Variants in MTHFD1 observed in about 807,000 individuals in gnomAD.
The protein encoded by MTHFD1 is methylenetetrahydrofolate dehydrogenase, cyclohydrolase and formyltetrahydrofolate synthetase 1, also known as C-1-tetrahydrofolate synthase, cytoplasmic.
MTHFD1 carries 44 observed loss-of-function variants against 110.3 expected under a neutral mutation model. The observed-to-expected ratio is 0.40, with a 90% CI of 0.31 to 0.51. The LOEUF (loss-of-function observed/expected upper bound fraction) is 0.51, where lower values mean the gene tolerates loss of function less well. MTHFD1 is among the 20% of genes least tolerant of loss of function. MTHFD1 has a pLI of 0.60. For missense variants in MTHFD1, 909 were observed against 1,173.1 expected (o/e 0.77, Z 3.29); for synonymous variants, 402 against 428.8 (o/e 0.94, Z 0.77).
intron 1 of MTHFD1, among the ~76,000 whole-genome samples, chr14:64,396,396 T>G (rs1165114303): frequency 6.7e-6 from 1 of 148,644 alleles, no homozygotes; most frequent in Non-Finnish European, 1.5e-5. Context: ...AAGGTTTTTT[T>G]TTTTTTTTTT....
intron 17 of MTHFD1, among the ~76,000 whole-genome samples, chr14:64,439,811 C>T (rs954134438): frequency 1.3e-5 from 2 of 149,480 alleles, no homozygotes; most frequent in Non-Finnish European, 3.0e-5. Context: ...CGAAAATTGC[C>T]TGAACCCAGG....
intron 1 of MTHFD1, among the ~76,000 whole-genome samples, chr14:64,390,828 T>C (rs1322888308): frequency 6.6e-6 from 1 of 152,188 alleles, no homozygotes; most frequent in Non-Finnish European, 1.5e-5. Context: ...TTTGTATTTT[T>C]AGTAGAGACG....
chr14:64,428,676 C>T lies in MTHFD1; in HGVS notation c.1264+1203C>T, dbSNP rs111311815. 8.7e-3 allele frequency among the ~76,000 whole-genome samples: 1,315 copies of T among 151,508 alleles called. 14 individuals are homozygous for T. Among genetic ancestry groups the T allele is most frequent in the African/African-American group, 0.029 (1,216 of 41,314 alleles). ...TCAAGCAATTCTCCTGCCTCAGCCT[C>T]CCAAGTAGCTGGGACTACAGGTGCG... On this transcript the variant is annotated intron_variant, in intron 12 of 27. Transcript: ENST00000652337.
At chr14:64,431,076 C>CT (rs369540665) in intron 13 of MTHFD1, among the ~76,000 whole-genome samples, 3,690 of 135,324 alleles carry the variant, frequency 0.027, 135 homozygotes, top group African/African-American at 0.089. Flanking sequence ...TTTTCTTTTT[C>CT]TTTTTTTTTT....
intron 21 of MTHFD1, among the ~76,000 whole-genome samples, chr14:64,443,641 G>T (rs2078265333): frequency 6.6e-6 from 1 of 152,148 alleles, no homozygotes; most frequent in Admixed American, 6.5e-5. Flanking sequence ...TTATCCCTGA[G>T]TGCCAAAGGC....
In MTHFD1 at chr14:64,424,798, G is replaced by T. The variant is rs200493525; in HGVS notation, c.728-6G>T. The T allele has an allele frequency of 3.1e-6, 5 of 1,613,834 alleles. No homozygotes were observed. The East Asian group carries it at 1.1e-4, about 36-fold the overall frequency. The stretch of plus-strand genomic sequence containing the variant: ...CTTAGTTTTGATTTCTCCCCCACTT[G>T]ACCAGATGATAAAAAACCAAATGGG... On this transcript the variant is annotated splice_region_variant and splice_polypyrimidine_tract_variant and intron_variant, in intron 8 of 27. Transcript: ENST00000652337.
At position 64,412,523 on chromosome 14, in the gene MTHFD1, G is replaced by C; in HGVS notation, c.238G>C (p.Glu80Gln). Reference protein sequence around the residue: ...IKLPRTTTESEVMKYITSLNE... With the variant: ...IKLPRTTTESQVMKYITSLNE... ...GTTACCAAGAACAACCACAGAATCT[G>C]AGGTGAGCTTTTATGAGTTGATTGT... Residue 80 changes from glutamate (E) to glutamine (Q), a missense_variant and splice_region_variant, in exon 4 of 28, where the codon GAG becomes CAG. Physicochemically the swap from Glu to Gln is conservative, Grantham distance 29. Around this residue, in one of 3 missense-constraint regions of MTHFD1, gnomAD observed 424 missense variants for 510.4 expected, o/e 0.83. Coordinates refer to ENST00000652337, the MANE Select transcript of MTHFD1 (RefSeq NM_005956.4). 6.2e-7 allele frequency: 1 copy of C among 1,612,698 alleles called. No individual in the cohort carries two copies. The highest frequency in any genetic ancestry group is 8.5e-7 in the Non-Finnish European group (1 of 1,178,760).
At position 64,454,819 on chromosome 14, in the gene MTHFD1, A is replaced by G. The variant is rs2078439536; in HGVS notation, c.2662A>G (p.Ile888Val). Reference protein sequence around the residue: ...KGVPTGFILPIRDIRASVGAG... With the variant: ...KGVPTGFILPVRDIRASVGAG... ...TGTCCCTACAGGCTTCATTCTGCCC[A>G]TTCGCGACATCCGCGCCAGCGTTGG... The change falls in exon 26 of 28, where the codon ATT (isoleucine) becomes GTT (valine). Residue 888 changes from isoleucine to valine, a missense_variant. Around this residue, in one of 3 missense-constraint regions of MTHFD1, gnomAD observed 482 missense variants for 646.0 expected, o/e 0.75. Coordinates refer to ENST00000652337, the MANE Select transcript of MTHFD1 (RefSeq NM_005956.4). 2 of 1,614,210 alleles carry G rather than the reference A, an allele frequency of 1.2e-6. No homozygotes were observed. The highest frequency in any genetic ancestry group is 1.1e-5 in the South Asian group (1 of 91,080).
At chr14:64,441,621 A>G (rs1237283930) in intron 19 of MTHFD1, 168 bp downstream of exon 19, 18 of 654,300 alleles carry the variant, frequency 2.8e-5, no homozygotes, top group Admixed American at 8.5e-5. Context: ...CCTGGCTAAC[A>G]TGGTGAAACC....
At position 64,417,937 on chromosome 14, in the gene MTHFD1, A is replaced by T; in HGVS notation, c.528A>T (p.Ile176=). ...CTGTGGTGGTTGGGCGCAGTAAAAT[A>T]GTTGGGGCCCCGATGCATGACTTGC... is the stretch of plus-strand genomic sequence containing the variant. ...RHAVVVGRSK[I]VGAPMHDLLL... Residue 176 remains isoleucine, a synonymous_variant, in exon 7 of 28, where the codon ATA becomes ATT. Coordinates refer to ENST00000652337, the MANE Select transcript of MTHFD1 (RefSeq NM_005956.4). This position sits in a 1 kb window ranked among gnomAD's most constrained non-coding sequence, Gnocchi z 4.4. 1 of 1,613,676 alleles carries T rather than the reference A, an allele frequency of 6.2e-7. No individual in the cohort carries two copies. Among genetic ancestry groups the T allele is most frequent in the Non-Finnish European group, 8.5e-7 (1 of 1,180,002 alleles).
intron 6 of MTHFD1, among the ~76,000 whole-genome samples, chr14:64,416,250 T>TAAAC (rs1270850983): frequency 6.6e-6 from 1 of 151,796 alleles, no homozygotes; most frequent in Non-Finnish European, 1.5e-5. Flanking sequence ...GTCTCTAAAA[T>TAAAC]AAACAAACAA....
chr14:64,428,404 C>T (rs2078134373), intron 12 of MTHFD1, among the ~76,000 whole-genome samples: 1 of 151,872 alleles, frequency 6.6e-6, no homozygotes, highest in Non-Finnish European at 1.5e-5. Flanking sequence ...GCATGAGCCA[C>T]CGTGCCAAGC....
intron 26 of MTHFD1, 193 bp from the exon 27 acceptor site, chr14:64,458,021 G>A: frequency 1.6e-6 from 1 of 620,920 alleles, no homozygotes. Flanking sequence ...ATCCCAAGTA[G>A]CTGGAACTAC....
At chr14:64,421,716 C>T (rs928306907) in intron 8 of MTHFD1, among the ~76,000 whole-genome samples, 10 of 151,940 alleles carry the variant, frequency 6.6e-5, no homozygotes, top group Admixed American at 3.9e-4. Context: ...CTCCGCCTTG[C>T]GGGTTCATGC....
chr14:64,431,193 G>A (rs925140040), intron 13 of MTHFD1, among the ~76,000 whole-genome samples: 2 of 151,166 alleles, frequency 1.3e-5, no homozygotes, highest in Non-Finnish European at 2.9e-5. Context: ...AGCCTTCCAA[G>A]TAGCTGGGAT....
Position 64,441,536 on chromosome 14 carries a change from G to T in MTHFD1, c.1884+83G>T, listed in dbSNP as rs918147501. The T allele has an allele frequency of 5.3e-6, 7 of 1,314,828 alleles. No homozygotes were observed. In the African/African-American group the frequency reaches 7.2e-5, roughly 14 times the overall value. The allele number at this position is 1,314,828 out of a possible 1,614,324, so 81.4% of individuals were successfully genotyped here. ...TTATAAAGCACACTTGCAAGGCGCGGTGGCTCACACCTGTAATCCCAGCAC... is the reference window on the plus strand; with the variant it reads ...TTATAAAGCACACTTGCAAGGCGCGTTGGCTCACACCTGTAATCCCAGCAC... On this transcript the variant is annotated intron_variant, in intron 19 of 27. Transcript: ENST00000652337.
rs1566559667 is a variant in MTHFD1, at chr14:64,412,485, C to G, written c.200C>G (p.Ala67Gly). Residue 67 changes from alanine (A) to glycine (G), a missense_variant, in exon 4 of 28, where the codon GCC becomes GGC. Coordinates refer to ENST00000652337, the MANE Select transcript of MTHFD1 (RefSeq NM_005956.4). ...TCTGTTTTGCAGATTGGGATCAAAG[C>G]CACTCACATTAAGTTACCAAGAACA... ...LKAAEEIGIK[A>G]THIKLPRTTT... 6.2e-7 allele frequency: 1 copy of G among 1,613,388 alleles called. No homozygotes were observed.
chr14:64,439,085 G>C lies in MTHFD1; in HGVS notation c.1598-11G>C. On this transcript the variant is annotated splice_polypyrimidine_tract_variant and intron_variant, in intron 16 of 27. Coordinates refer to ENST00000652337, the MANE Select transcript of MTHFD1 (RefSeq NM_005956.4). ...CTCAAAATCGTTCTATATCTTGCCT[G>C]TCTGCTGTAGTGTTGGATACCAATG... 1 of 1,609,926 alleles carries C rather than the reference G, an allele frequency of 6.2e-7. No individual in the cohort carries two copies. The highest frequency in any genetic ancestry group is 8.5e-7 in the Non-Finnish European group (1 of 1,176,182).
At chr14:64,399,456 C>G (rs188821942) in intron 1 of MTHFD1, among the ~76,000 whole-genome samples, 1 of 151,862 alleles carries the variant, frequency 6.6e-6, no homozygotes, top group Non-Finnish European at 1.5e-5. Context: ...GTCAGGAGTT[C>G]GAGACCAGCC....
Sources: gnomAD v4.1 joint callset for allele counts (sites outside exome capture counted in the v4.1 genomes callset) on GRCh38, gnomAD v4.1.1 for gene constraint, gnomAD v4.1.1 regional missense constraint, Gnocchi (gnomAD v3.1) non-coding constraint, MANE v1.5 for transcripts, NCBI Gene and HGNC (gene_info 2026-07-23, HGNC 2026-07-21) for gene names.